Variants in GAB4 observed in about 807,000 individuals in gnomAD.
GAB4 encodes GRB2-associated-binding protein 4.
Under a neutral mutation model 51.3 loss-of-function variants are expected in GAB4, and 26 were observed. The ratio of observed to expected loss-of-function variants is 0.51; its 90% CI spans 0.37 to 0.70. GAB4 has a LOEUF of 0.70. GAB4 is among the 30% of genes least tolerant of loss of function. The pLI is 0.00. For synonymous variants in GAB4, 329 were observed against 291.2 expected (o/e 1.13, Z -1.32); for missense variants, 759 against 734.6 (o/e 1.03, Z -0.38).
intron 3 of GAB4, among the ~76,000 whole-genome samples, chr22:16,986,994 G>C (rs2060873441): frequency 6.6e-6 from 1 of 152,314 alleles, no homozygotes; most frequent in South Asian, 2.1e-4. Flanking sequence ...TCTACCATTT[G>C]ATAGCTGTGA....
chr22:16,986,390 T>A (rs886903656), intron 3 of GAB4, among the ~76,000 whole-genome samples: 7 of 152,156 alleles, frequency 4.6e-5, no homozygotes, highest in African/African-American at 1.7e-4. Flanking sequence ...GTTCTCTCTG[T>A]CCAGGCATTC....
chr22:16,999,393 A>T (rs2060977051), intron 1 of GAB4, among the ~76,000 whole-genome samples: 1 of 152,080 alleles, frequency 6.6e-6, no homozygotes, highest in Non-Finnish European at 1.5e-5. Context: ...CCAGGAATTT[A>T]TCCATTTCTT....
At chr22:16,972,672 A>T (rs1284568462) in intron 3 of GAB4, among the ~76,000 whole-genome samples, 1 of 152,120 alleles carries the variant, frequency 6.6e-6, no homozygotes, top group East Asian at 1.9e-4. Context: ...AGCCCAAAAC[A>T]TTGGAGTTAC....
intron 4 of GAB4, 126 bp downstream of exon 4, chr22:16,969,817 C>A: frequency 8.4e-7 from 1 of 1,192,514 alleles, no homozygotes; most frequent in South Asian, 1.3e-5. Flanking sequence ...AGGTTCTTGT[C>A]TAACGTGACT....
At chr22:16,994,459 C>A (rs1218642792) in intron 1 of GAB4, among the ~76,000 whole-genome samples, 1 of 152,236 alleles carries the variant, frequency 6.6e-6, no homozygotes, top group Non-Finnish European at 1.5e-5. Flanking sequence ...TCTGTGTGTA[C>A]ATGGTGCAGG....
chr22:16,964,349 C>T (rs1236094245), intron 8 of GAB4, among the ~76,000 whole-genome samples: 1 of 152,188 alleles, frequency 6.6e-6, no homozygotes, highest in African/African-American at 2.4e-5. Flanking sequence ...AAATGTTGGT[C>T]ATGATGCCCT....
chr22:16,990,025 G>C (rs1488347954), intron 2 of GAB4, among the ~76,000 whole-genome samples: 1 of 152,116 alleles, frequency 6.6e-6, no homozygotes, highest in Non-Finnish European at 1.5e-5. Context: ...TTCCCTCTCG[G>C]TGAGGCACAT....
intron 4 of GAB4, chr22:16,969,563 C>A: frequency 2.0e-6 from 1 of 500,042 alleles, no homozygotes; most frequent in Non-Finnish European, 3.5e-6. Context: ...ACTGAGAACC[C>A]GGTGCCACCT....
intron 3 of GAB4, among the ~76,000 whole-genome samples, chr22:16,975,348 G>A (rs1399311470): frequency 6.6e-6 from 1 of 152,192 alleles, no homozygotes; most frequent in Non-Finnish European, 1.5e-5. Flanking sequence ...CATTACTGAG[G>A]CATGAATAGG....
At chr22:17,004,870 T>G (rs139588687) in intron 1 of GAB4, among the ~76,000 whole-genome samples, 93 of 152,306 alleles carry the variant, frequency 6.1e-4, no homozygotes, top group African/African-American at 2.2e-3. Flanking sequence ...ATACGTTATT[T>G]ATGACAAACC....
intron 9 of GAB4, among the ~76,000 whole-genome samples, chr22:16,963,206 AG>A (rs1311898366): frequency 6.6e-6 from 1 of 152,160 alleles, no homozygotes; most frequent in Non-Finnish European, 1.5e-5. Flanking sequence ...GCACCAGCCT[AG>A]GCCTTTCCAG....
intron 3 of GAB4, among the ~76,000 whole-genome samples, chr22:16,975,846 C>T (rs2060773024): frequency 6.6e-6 from 1 of 152,150 alleles, no homozygotes; most frequent in African/African-American, 2.4e-5. Context: ...CTGTAGTCTC[C>T]ACTGGTGATA....
At position 16,992,164 on chromosome 22, in the gene GAB4, G is replaced by A. The variant is rs1461505978; in HGVS notation, c.187C>T (p.Arg63Cys). The A allele has an allele frequency of 1.4e-5, 22 of 1,608,702 alleles. No individual in the cohort carries two copies. Among genetic ancestry groups the A allele is most frequent in the African/African-American group, 2.7e-5 (2 of 74,748 alleles). Reference sequence around the variant, plus strand: ...TGGCCCCTCCGCAGGATAAACCAGCGTTTCCTCCAGGCCTAAGGAAGGAGT... The same window carrying A: ...TGGCCCCTCCGCAGGATAAACCAGCATTTCCTCCAGGCCTAAGGAAGGAGT... ...KKLRLFAWRK[R>C]WFILRRGQTS... is the part of the protein sequence containing the mutation. Residue 63 changes from arginine (R) to cysteine (C), a missense_variant, in exon 2 of 10, where the codon CGC (arginine) becomes TGC (cysteine). This residue lies in a region of GAB4 where 88 missense variants were observed against 151.3 expected (regional missense o/e 0.58). Coordinates refer to ENST00000400588, the MANE Select transcript of GAB4 (RefSeq NM_001037814.1).
chr22:17,006,958 A>T lies in GAB4; in HGVS notation c.174+983T>A, dbSNP rs528196474. Among the ~76,000 whole-genome samples the T allele has an allele frequency of 7.2e-5, 11 of 152,318 alleles. 1 individual carries two copies. In the East Asian group the frequency reaches 1.5e-3, roughly 21 times the overall value. On this transcript the variant is annotated intron_variant, in intron 1 of 9. Coordinates refer to ENST00000400588, the MANE Select transcript of GAB4 (RefSeq NM_001037814.1). ...CACCATGACACGTGTATATGTATGT[A>T]ACAAACCTCCACGTTCTGCACATGT...
rs1255484646 is a variant in GAB4, at chr22:16,963,827, G to A, written c.1479C>T (p.Asn493=). The A allele has an allele frequency of 8.1e-6, 13 of 1,612,712 alleles. No individual in the cohort carries two copies. In the East Asian group the frequency reaches 1.1e-4, roughly 14 times the overall value. The change falls in exon 9 of 10, where the codon AAC becomes AAT. Residue 493 remains asparagine, a splice_region_variant and synonymous_variant. Transcript: ENST00000400588. ...CGGAAACAGGAAATGCAGATGCCGG[G>A]TTCTGCTGTCACAAGGAGGAAAATC... ...EDSGERYLFP[N]PASAFPVSGG...
chr22:16,992,871 C>T (rs1050479867), intron 1 of GAB4, among the ~76,000 whole-genome samples: 3 of 152,098 alleles, frequency 2.0e-5, no homozygotes, highest in Non-Finnish European at 4.4e-5. Flanking sequence ...AGAGCATACA[C>T]CACCATACCT....
chr22:16,995,113 T>C (rs1222197481), intron 1 of GAB4, among the ~76,000 whole-genome samples: 1 of 152,214 alleles, frequency 6.6e-6, no homozygotes, highest in Non-Finnish European at 1.5e-5. Flanking sequence ...AGAGCAAGAC[T>C]TCAAGCCCAG....
At chr22:16,997,182 T>C (rs991873546) in intron 1 of GAB4, among the ~76,000 whole-genome samples, 2 of 152,186 alleles carry the variant, frequency 1.3e-5, no homozygotes, top group Admixed American at 1.3e-4. Flanking sequence ...CTGGGTCAAA[T>C]GGTATTTCTA....
chr22:16,977,536 T>C (rs2060789366), intron 3 of GAB4, among the ~76,000 whole-genome samples: 1 of 152,096 alleles, frequency 6.6e-6, no homozygotes, highest in African/African-American at 2.4e-5. Context: ...CAAGTTCTTC[T>C]GGACTACAAA....
Sources: gnomAD v4.1 joint callset for allele counts (sites outside exome capture counted in the v4.1 genomes callset) on GRCh38, gnomAD v4.1.1 for gene constraint, gnomAD v4.1.1 regional missense constraint, MANE v1.5 for transcripts, NCBI Gene and HGNC (gene_info 2026-07-23, HGNC 2026-07-21) for gene names.